The following ZNF585A variants were observed in gnomAD, a reference collection of about 807,000 sequenced individuals.
ZNF585A encodes zinc finger protein 585A.
In ZNF585A, 9 loss-of-function variants were observed where a neutral mutation model predicts 14.9. The ratio of observed to expected loss-of-function variants is 0.60; its 90% CI spans 0.36 to 1.05. The LOEUF (loss-of-function observed/expected upper bound fraction) is 1.05, where lower values mean the gene tolerates loss of function less well. Among genes scored for constraint, ZNF585A ranks in the 50% least tolerant of loss-of-function variants. The probability of loss-of-function intolerance (pLI) is 0.01; values close to 1 mark genes in which losing one functional copy is unlikely to be tolerated. For missense variants in ZNF585A, 726 were observed against 926.4 expected (o/e 0.78, Z 2.81); for synonymous variants, 276 against 319.9 (o/e 0.86, Z 1.46).
rs1439667824 is a variant in ZNF585A, at chr19:37,149,375, T to C, written c.*2214A>G. The C allele has an allele frequency of 1.3e-5, 2 of 152,238 alleles. No homozygotes were observed. The highest frequency in any genetic ancestry group is 4.8e-5 in the African/African-American group (2 of 41,462). The allele number at this position is 152,238 out of a possible 1,614,324, so 9.4% of individuals were successfully genotyped here. A position where few individuals can be genotyped will look rare whatever the true frequency, so the allele number is the denominator to read the frequency against. On this transcript the variant is annotated 3_prime_UTR_variant, in exon 5 of 5. Transcript: ENST00000292841. ...TATGCATATACATATACGTAAGTATTATAATATTGTTACAATAAATATATA... is the reference window on the plus strand; with the variant it reads ...TATGCATATACATATACGTAAGTATCATAATATTGTTACAATAAATATATA...
intron 2 of ZNF585A, among the ~76,000 whole-genome samples, chr19:37,167,268 A>G (rs1323341519): frequency 2.0e-5 from 3 of 152,158 alleles, no homozygotes; most frequent in Non-Finnish European, 4.4e-5. Flanking sequence ...TCTGCCTCCC[A>G]GGTTCAAGCA....
chr19:37,153,524 A>G lies in ZNF585A; in HGVS notation c.375T>C (p.Pro125=). The G allele has an allele frequency of 6.2e-7, 1 of 1,614,142 alleles. No individual in the cohort carries two copies. The highest frequency in any genetic ancestry group is 2.2e-5 in the East Asian group (1 of 44,874). ...TGGCGCATTCATAAGCTTTCTCCCCAGGATACATTTTTTGAGGTTGAGAGG... is the reference window on the plus strand; with the variant it reads ...TGGCGCATTCATAAGCTTTCTCCCCGGGATACATTTTTTGAGGTTGAGAGG... ...QVSSQPQKMY[P]GEKAYECAKF... The change falls in exon 5 of 5, where the codon CCT becomes CCC. Residue 125 remains proline (P), a synonymous_variant. Coordinates refer to ENST00000292841, the MANE Select transcript of ZNF585A (RefSeq NM_001288800.2).
intron 2 of ZNF585A, among the ~76,000 whole-genome samples, 163 bp downstream of exon 2, chr19:37,169,676 A>G (rs994195691): frequency 2.6e-5 from 4 of 152,180 alleles, no homozygotes; most frequent in Non-Finnish European, 4.4e-5. Flanking sequence ...CATGTTGCTC[A>G]TTCTCAACAG....
At chr19:37,165,554 A>C (rs1972078184) in intron 2 of ZNF585A, 1 of 778,854 alleles carries the variant, frequency 1.3e-6, no homozygotes. Context: ...TGGGTTGCTG[A>C]GAACATAGCA....
At chr19:37,168,326 G>A (rs1972128905) in intron 2 of ZNF585A, among the ~76,000 whole-genome samples, 1 of 152,166 alleles carries the variant, frequency 6.6e-6, no homozygotes, top group African/African-American at 2.4e-5. Context: ...AGTTTTGCTA[G>A]AAGCTAGCCT....
chr19:37,166,918 C>T (rs1972101226), intron 2 of ZNF585A, among the ~76,000 whole-genome samples: 1 of 152,104 alleles, frequency 6.6e-6, no homozygotes, highest in South Asian at 2.1e-4. Context: ...ACTGCAACCT[C>T]TACTTCCCAG....
intron 2 of ZNF585A, chr19:37,165,813 T>C (rs1972083575): frequency 5.4e-6 from 1 of 186,108 alleles, no homozygotes; most frequent in Admixed American, 6.5e-5. Flanking sequence ...CTTTCCATTA[T>C]TTTTTACTGT....
chr19:37,161,342 T>A (rs1229003888), intron 2 of ZNF585A, among the ~76,000 whole-genome samples: 1 of 152,216 alleles, frequency 6.6e-6, no homozygotes. Context: ...TAACTCCTTA[T>A]GAATCTGTAA....
Position 37,157,318 on chromosome 19 carries a change from T to C in ZNF585A, c.73-963A>G, listed in dbSNP as rs1009542309. On this transcript the variant is annotated intron_variant, in intron 2 of 4. Coordinates refer to ENST00000292841, the MANE Select transcript of ZNF585A (RefSeq NM_001288800.2). ...TTTAGTTTCCTAGCAACTGGATGAATGACCTGCGATATGCTTTCTGATCAA... is the reference window on the plus strand; with the variant it reads ...TTTAGTTTCCTAGCAACTGGATGAACGACCTGCGATATGCTTTCTGATCAA... Among the ~76,000 whole-genome samples, 42 of 152,218 alleles carry C rather than the reference T, an allele frequency of 2.8e-4. 1 individual carries two copies. The highest frequency in any genetic ancestry group is 2.3e-3 in the Admixed American group (35 of 15,276).
In ZNF585A at chr19:37,156,253, T is replaced by C; in HGVS notation, c.175A>G (p.Thr59Ala). The change falls in exon 3 of 5, where the codon ACC becomes GCC. Residue 59 changes from threonine to alanine, a missense_variant. By Grantham distance (58) the Thr-to-Ala change is moderately conservative. This residue lies in a region of ZNF585A where 483 missense variants were observed against 542.8 expected (regional missense o/e 0.89). Coordinates refer to ENST00000292841, the MANE Select transcript of ZNF585A (RefSeq NM_001288800.2). The part of the protein sequence containing the change: ...RNLYRDVMLE[T>A]YSHLLSVGYQ... ...CCTACTGAGAGCAGGTGGCTGTAGG[T>C]CTCCAGCATCACATCCCGGTACAGG... The C allele has an allele frequency of 1.4e-5, 23 of 1,614,088 alleles. No homozygotes were observed. The highest frequency in any genetic ancestry group is 1.9e-5 in the Non-Finnish European group (23 of 1,179,998).
rs1045283379 is a variant in ZNF585A at position 37,148,312 on chromosome 19, A to G, written c.*3277T>C. 1 of 152,070 alleles carries G rather than the reference A, an allele frequency of 6.6e-6. No homozygotes were observed. Among genetic ancestry groups the G allele is most frequent in the Non-Finnish European group, 1.5e-5 (1 of 68,026 alleles). 9.4% of individuals were successfully genotyped at this position (152,070 alleles called of 1,614,324 possible). On this transcript the variant is annotated 3_prime_UTR_variant, in exon 5 of 5. Coordinates refer to ENST00000292841, the MANE Select transcript of ZNF585A (RefSeq NM_001288800.2). ...TCACCTTATTTTCCATTTGTTTTTCATAGAACCATATGGATGAATCTCAGA... is the reference window on the plus strand; with the variant it reads ...TCACCTTATTTTCCATTTGTTTTTCGTAGAACCATATGGATGAATCTCAGA...
chr19:37,161,569 T>C lies in ZNF585A; in HGVS notation c.73-5214A>G, dbSNP rs538895033. On this transcript the variant is annotated intron_variant, in intron 2 of 4. Coordinates refer to ENST00000292841, the MANE Select transcript of ZNF585A (RefSeq NM_001288800.2). ...TTTTTTCAATAAAAGTTACATATAG[T>C]GTGCATGCCTCTCCTGCCTCCCCTT... is the stretch of plus-strand genomic sequence containing the variant. Among the ~76,000 whole-genome samples, 451 of 152,220 alleles carry C rather than the reference T, an allele frequency of 3.0e-3. 2 individuals carry two copies. The highest frequency in any genetic ancestry group is 2.4e-3 in the Non-Finnish European group (162 of 68,002).
intron 2 of ZNF585A, among the ~76,000 whole-genome samples, chr19:37,162,978 CAAAA>C (rs938206158): frequency 6.6e-6 from 1 of 150,430 alleles, no homozygotes; most frequent in Non-Finnish European, 1.5e-5. Context: ...AAACTTAAAC[CAAAA>C]AAAAAGTTCC....
Position 37,148,198 on chromosome 19 carries a change from TAGCCATTCTAAA to T in ZNF585A, c.*3379_*3390del, listed in dbSNP as rs1971770694. 1 of 152,234 alleles carries T rather than the reference TAGCCATTCTAAA, an allele frequency of 6.6e-6. No homozygotes were observed. Among genetic ancestry groups the T allele is most frequent in the African/African-American group, 2.4e-5 (1 of 41,456 alleles). 9.4% of individuals were successfully genotyped at this position (152,234 alleles called of 1,614,324 possible). Reference sequence around the variant, plus strand: ...CCAATTTATGGCACGTTTTCATTTTTAGCCATTCTAAAAGCCATTCTATAGTAGTATCTCATT... The same window carrying T: ...CCAATTTATGGCACGTTTTCATTTTTAGCCATTCTATAGTAGTATCTCATT... On this transcript the variant is annotated 3_prime_UTR_variant, in exon 5 of 5. Coordinates refer to ENST00000292841, the MANE Select transcript of ZNF585A (RefSeq NM_001288800.2).
rs1971796311 is a variant in ZNF585A, at chr19:37,149,823, G to C, written c.*1766C>G. On this transcript the variant is annotated 3_prime_UTR_variant, in exon 5 of 5. Transcript: ENST00000292841. ...ATTGTGCCTTGGGGGGAACTCAGAG[G>C]AAAAGGTCTATGAGGCTGGGACCTC... 1 of 152,206 alleles carries C rather than the reference G, an allele frequency of 6.6e-6. No homozygotes were observed. Among genetic ancestry groups the C allele is most frequent in the African/African-American group, 2.4e-5 (1 of 41,416 alleles). 9.4% of individuals were successfully genotyped at this position (152,206 alleles called of 1,614,324 possible).
At position 37,152,628 on chromosome 19, in the gene ZNF585A, T is replaced by A. The variant is rs1333739457; in HGVS notation, c.1271A>T (p.His424Leu). 1 of 1,614,078 alleles carries A rather than the reference T, an allele frequency of 6.2e-7. No individual in the cohort carries two copies. The highest frequency in any genetic ancestry group is 8.5e-7 in the Non-Finnish European group (1 of 1,180,018). Reference sequence around the variant, plus strand: ...ATGAATTATTTGATGTGCAATCAAGTGTGCCTTCTGAATGAAGGCCAGTCC... The same window carrying A: ...ATGAATTATTTGATGTGCAATCAAGAGTGCCTTCTGAATGAAGGCCAGTCC... ...KCGLAFIQKA[H>L]LIAHQIIHTG... Residue 424 changes from histidine to leucine, a missense_variant, in exon 5 of 5, where the codon CAC becomes CTC. His to Leu is a moderately conservative substitution (Grantham distance 99). Coordinates refer to ENST00000292841, the MANE Select transcript of ZNF585A (RefSeq NM_001288800.2).
At chr19:37,163,563 A>C (rs75822822) in intron 2 of ZNF585A, among the ~76,000 whole-genome samples, 4,648 of 152,148 alleles carry the variant, frequency 0.031, 109 homozygotes, top group African/African-American at 0.063. Context: ...TGAGACGGAA[A>C]TAAAGATATT....
rs756549472 is a variant in ZNF585A at position 37,153,412 on chromosome 19, A to G, written c.487T>C (p.Cys163Arg). The change falls in exon 5 of 5, where the codon TGT becomes CGT. Residue 163 changes from cysteine to arginine, a missense_variant. Cys to Arg is a radical substitution (Grantham distance 180). Transcript: ENST00000292841. ...GGCTTCTGTACAAAAGCCTTCCCAC[A>G]TTCAATGCATACATAGAGCTTTTCT... ...AGEKLYVCIE[C>R]GKAFVQKPEF... The G allele has an allele frequency of 6.2e-7, 1 of 1,614,092 alleles. No homozygotes were observed. Among genetic ancestry groups the G allele is most frequent in the East Asian group, 2.2e-5 (1 of 44,872 alleles).
Position 37,149,464 on chromosome 19 carries a change from G to A in ZNF585A, c.*2125C>T, listed in dbSNP as rs1214944985. The A allele has an allele frequency of 6.6e-6, 1 of 152,136 alleles. No homozygotes were observed. The highest frequency in any genetic ancestry group is 1.5e-5 in the Non-Finnish European group (1 of 68,036). 9.4% of individuals were successfully genotyped at this position (152,136 alleles called of 1,614,324 possible). On this transcript the variant is annotated 3_prime_UTR_variant, in exon 5 of 5. Coordinates refer to ENST00000292841, the MANE Select transcript of ZNF585A (RefSeq NM_001288800.2). Reference sequence around the variant, plus strand: ...CCTTCATGAGGCTTGGGCATACAGAGGATAGTCAGATGCTTATGTTGACTG... The same window carrying A: ...CCTTCATGAGGCTTGGGCATACAGAAGATAGTCAGATGCTTATGTTGACTG...
Sources: gnomAD v4.1 joint callset for allele counts (sites outside exome capture counted in the v4.1 genomes callset) on GRCh38, gnomAD v4.1.1 for gene constraint, gnomAD v4.1.1 regional missense constraint, MANE v1.5 for transcripts, NCBI Gene and HGNC (gene_info 2026-07-23, HGNC 2026-07-21) for gene names.